TTC8: variants seen among roughly 807,000 people sequenced by gnomAD.
TTC8 encodes the protein tetratricopeptide repeat domain 8, also known as tetratricopeptide repeat protein 8.
TTC8 carries 47 observed loss-of-function variants against 72.5 expected under a neutral mutation model. The ratio of observed to expected loss-of-function variants is 0.65; its 90% CI spans 0.51 to 0.83. The LOEUF (loss-of-function observed/expected upper bound fraction) is 0.83. Among genes scored for constraint, TTC8 ranks in the 40% least tolerant of loss-of-function variants. TTC8 has a pLI of 0.00. For synonymous variants in TTC8, 199 were observed against 221.4 expected (o/e 0.90, Z 0.90); for missense variants, 611 against 623.2 (o/e 0.98, Z 0.21).
At chr14:88,852,457 G>A (rs553048456) in intron 7 of TTC8, among the ~76,000 whole-genome samples, 2 of 152,326 alleles carry the variant, frequency 1.3e-5, no homozygotes, top group African/African-American at 4.8e-5. Flanking sequence ...GAAGACAACA[G>A]TTATCCAAAT....
At chr14:88,872,511 T>C in intron 13 of TTC8, 59 bp downstream of exon 13, 21 of 1,607,548 alleles carry the variant, frequency 1.3e-5, no homozygotes, top group Non-Finnish European at 1.8e-5. Context: ...AAAGCTGTCA[T>C]GTGTGGTAGC....
intron 7 of TTC8, chr14:88,846,772 T>G: frequency 6.3e-6 from 4 of 636,480 alleles, no homozygotes; most frequent in Non-Finnish European, 9.8e-6. Context: ...ATCATAGTTC[T>G]TCATGCATAT....
intron 8 of TTC8, among the ~76,000 whole-genome samples, chr14:88,856,161 TA>T (rs2094855185): frequency 6.6e-6 from 1 of 152,224 alleles, no homozygotes; most frequent in South Asian, 2.1e-4. Context: ...AGTTCTTTGA[TA>T]ACATTTTATA....
chr14:88,861,438 A>AC, intron 10 of TTC8, 106 bp downstream of exon 10: 1 of 808,476 alleles, frequency 1.2e-6, no homozygotes. Context: ...TAATGATCAA[A>AC]TCAGGGTAAT....
chr14:88,841,519 G>A lies in TTC8; in HGVS notation c.579+5G>A, dbSNP rs2140977987. On this transcript the variant is annotated splice_donor_5th_base_variant and intron_variant, in intron 6 of 14. Transcript: ENST00000380656. Reference sequence around the variant, plus strand: ...CAGAAACCTAAGTTGGCAAAGGTATGTACTTAAAATGATTTTGAGTTATGA... The same window carrying A: ...CAGAAACCTAAGTTGGCAAAGGTATATACTTAAAATGATTTTGAGTTATGA... 1.9e-6 allele frequency: 3 copies of A among 1,605,440 alleles called. No individual in the cohort carries two copies. Among genetic ancestry groups the A allele is most frequent in the Non-Finnish European group, 2.6e-6 (3 of 1,172,438 alleles).
In TTC8 at chr14:88,853,147, A is replaced by T. The variant is rs1040739206; in HGVS notation, c.710+91A>T. 5 of 879,948 alleles carry T rather than the reference A, an allele frequency of 5.7e-6. No homozygotes were observed. In the East Asian group the frequency reaches 7.9e-5, roughly 14 times the overall value. The allele number at this position is 879,948 out of a possible 1,614,324, so 54.5% of individuals were successfully genotyped here. A position where few individuals can be genotyped will look rare whatever the true frequency, so the allele number is the denominator to read the frequency against. On this transcript the variant is annotated intron_variant, in intron 8 of 14. Coordinates refer to ENST00000380656, the MANE Select transcript of TTC8 (RefSeq NM_144596.4). Reference sequence around the variant, plus strand: ...TTTTTGAGGGGGGGGAGATTTTCCCATGAAGAAATGAGAACTGTGTCTTTG... The same window carrying T: ...TTTTTGAGGGGGGGGAGATTTTCCCTTGAAGAAATGAGAACTGTGTCTTTG...
chr14:88,877,009 C>T (rs2141048832), intron 14 of TTC8, among the ~76,000 whole-genome samples: 2 of 152,116 alleles, frequency 1.3e-5, no homozygotes, highest in Middle Eastern at 6.8e-3. Context: ...AAATTCATTA[C>T]CAGACAGCTA....
intron 2 of TTC8, 81 bp from the exon 3 acceptor site, chr14:88,839,371 A>G: frequency 7.0e-7 from 1 of 1,432,426 alleles, no homozygotes; most frequent in East Asian, 2.4e-5. Flanking sequence ...AATAACAACA[A>G]TGAAGGATGG....
intron 2 of TTC8, 120 bp downstream of exon 2, chr14:88,833,842 T>C: frequency 1.2e-6 from 1 of 853,396 alleles, no homozygotes; most frequent in Non-Finnish European, 2.0e-6. Flanking sequence ...AAATTAGCCA[T>C]ATCTGTCAGA....
chr14:88,842,061 G>A (rs997711442), intron 6 of TTC8, among the ~76,000 whole-genome samples: 54 of 152,246 alleles, frequency 3.5e-4, no homozygotes, highest in African/African-American at 1.2e-3. Flanking sequence ...GGCAGAAGGA[G>A]AGGGAGAAAG....
chr14:88,829,363 A>T (rs2094716027), intron 1 of TTC8, among the ~76,000 whole-genome samples: 1 of 152,232 alleles, frequency 6.6e-6, no homozygotes, highest in African/African-American at 2.4e-5. Flanking sequence ...CAGCACTGTG[A>T]CCTAGAGAGA....
chr14:88,877,381 C>G lies in TTC8; in HGVS notation c.1519C>G (p.Gln507Glu). 1.9e-6 allele frequency: 3 copies of G among 1,613,428 alleles called. No individual in the cohort carries two copies. The highest frequency in any genetic ancestry group is 2.5e-6 in the Non-Finnish European group (3 of 1,179,534). ...TGTGGACACACAACATTTAATTAAA[C>G]AATTAAGGCAGCATTTTGCTATGCT... ...DHVDTQHLIKQLRQHFAML is the reference protein window; with the variant it reads ...DHVDTQHLIKELRQHFAML The change falls in exon 15 of 15, where the codon CAA becomes GAA. Residue 507 changes from glutamine (Q) to glutamate (E), a missense_variant. Gln to Glu is a conservative substitution (Grantham distance 29, BLOSUM62 2). Coordinates refer to ENST00000380656, the MANE Select transcript of TTC8 (RefSeq NM_144596.4).
At chr14:88,847,491 G>A (rs971535624) in intron 7 of TTC8, among the ~76,000 whole-genome samples, 3 of 152,122 alleles carry the variant, frequency 2.0e-5, no homozygotes, top group African/African-American at 7.2e-5. Context: ...TGGTAACAGT[G>A]ACTCTCTTAA....
At chr14:88,865,048 T>G (rs2094904076) in intron 10 of TTC8, among the ~76,000 whole-genome samples, 1 of 152,260 alleles carries the variant, frequency 6.6e-6, no homozygotes, top group Admixed American at 6.5e-5. Context: ...TATTGTTCAT[T>G]GTTTAAAATG....
chr14:88,846,927 G>T (rs968236173), intron 7 of TTC8: 6 of 253,422 alleles, frequency 2.4e-5, no homozygotes, highest in African/African-American at 4.5e-5. Context: ...TTGAATTATA[G>T]CAGGGCTAGC....
chr14:88,832,324 G>T (rs1043685029), intron 1 of TTC8, among the ~76,000 whole-genome samples: 20 of 152,110 alleles, frequency 1.3e-4, no homozygotes, highest in African/African-American at 4.6e-4. Context: ...CAGTATCAGT[G>T]GCTTCTGTCT....
At chr14:88,880,481 A>G (rs2141053765), downstream of TTC8, 1 of 152,344 alleles carries the variant, frequency 6.6e-6, no homozygotes, top group African/African-American at 2.4e-5. Flanking sequence ...TCTAATTCTG[A>G]CTAATAAGGG....
At chr14:88,851,478 T>TA (rs1487119470) in intron 7 of TTC8, among the ~76,000 whole-genome samples, 1 of 152,114 alleles carries the variant, frequency 6.6e-6, no homozygotes, top group Non-Finnish European at 1.5e-5. Flanking sequence ...CATCTTTTTC[T>TA]AAAAAATAGA....
At position 88,871,545 on chromosome 14, in the gene TTC8, A is replaced by T. The variant is rs573636427; in HGVS notation, c.1050-4A>T. 3.1e-6 allele frequency: 5 copies of T among 1,613,634 alleles called. No individual in the cohort carries two copies. The highest frequency in any genetic ancestry group is 3.3e-5 in the Admixed American group (2 of 60,004). ...CCAAAATTTGTGTGTTCTTTTTTGA[A>T]AAGGCGGCTGCTGCAGATGGGCATT... On this transcript the variant is annotated splice_region_variant and splice_polypyrimidine_tract_variant and intron_variant, in intron 11 of 14. Coordinates refer to ENST00000380656, the MANE Select transcript of TTC8 (RefSeq NM_144596.4). The surrounding 1 kb of genome is among the most constrained non-coding windows in gnomAD (Gnocchi z 4.1).
Sources: gnomAD v4.1 joint callset for allele counts (sites outside exome capture counted in the v4.1 genomes callset) on GRCh38, gnomAD v4.1.1 for gene constraint, Gnocchi (gnomAD v3.1) non-coding constraint, MANE v1.5 for transcripts, NCBI Gene and HGNC (gene_info 2026-07-23, HGNC 2026-07-21) for gene names.